The following LCN15 variants were observed in gnomAD, a reference collection of about 807,000 sequenced individuals.
The protein encoded by LCN15 is lipocalin 15, also known as lipocalin-15.
LCN15 carries 26 observed loss-of-function variants against 23.1 expected under a neutral mutation model. That is an observed-to-expected ratio of 1.13 (90% CI 0.82 to 1.56). The LOEUF (loss-of-function observed/expected upper bound fraction) is 1.56. LCN15 is among the 40% of genes most tolerant of loss of function. The pLI is 0.00. For missense variants in LCN15, 241 were observed against 239.5 expected (o/e 1.01, Z -0.04); for synonymous variants, 107 against 98.3 (o/e 1.09, Z -0.52).
At chr9:136,760,836 G>A (rs1211421156) in intron 6 of LCN15, among the ~76,000 whole-genome samples, 3 of 152,184 alleles carry the variant, frequency 2.0e-5, no homozygotes, top group African/African-American at 2.4e-5. Context: ...GGATTGAATC[G>A]TGTCCCCAAA....
chr9:136,760,572 C>T (rs992943346), intron 6 of LCN15, among the ~76,000 whole-genome samples: 1 of 152,232 alleles, frequency 6.6e-6, no homozygotes, highest in African/African-American at 2.4e-5. Flanking sequence ...AGACACGTGA[C>T]GTGTGGCTGT....
At chr9:136,760,187 G>A (rs1847300093) in intron 6 of LCN15, among the ~76,000 whole-genome samples, 1 of 152,238 alleles carries the variant, frequency 6.6e-6, no homozygotes, top group South Asian at 2.1e-4. Flanking sequence ...CCCAGGCGGG[G>A]CACTCTACCC....
At chr9:136,762,639 C>T (rs1847332551) in intron 4 of LCN15, among the ~76,000 whole-genome samples, 1 of 152,154 alleles carries the variant, frequency 6.6e-6, no homozygotes, top group African/African-American at 2.4e-5. Flanking sequence ...CGGTGGCTCA[C>T]GCCTGGAATC....
rs1847311763 is a variant in LCN15 at position 136,761,066 on chromosome 9, T to C, written c.*32+721A>G. Among the ~76,000 whole-genome samples the C allele has an allele frequency of 6.6e-6, 1 of 152,008 alleles. No individual in the cohort carries two copies. Among genetic ancestry groups the C allele is most frequent in the Non-Finnish European group, 1.5e-5 (1 of 67,992 alleles). ...CACAGATGCACAGAAGGAAGGTGGC[T>C]GTGGGAGGACGGAGGCGGAGACAGG... On this transcript the variant is annotated intron_variant, in intron 6 of 6. Coordinates refer to ENST00000316144, the MANE Select transcript of LCN15 (RefSeq NM_203347.2). The surrounding 1 kb of genome is among the most constrained non-coding windows in gnomAD (Gnocchi z 4.2).
rs1292486311 is a variant in LCN15, at chr9:136,761,921, C to A, written c.521-68G>T. 3.2e-6 allele frequency: 4 copies of A among 1,250,652 alleles called. No homozygotes were observed. Among genetic ancestry groups the A allele is most frequent in the Non-Finnish European group, 4.1e-6 (4 of 967,886 alleles). 77.5% of individuals were successfully genotyped at this position (1,250,652 alleles called of 1,614,324 possible). Reference sequence around the variant, plus strand: ...CGCCCTCGCTTCCCGCAGCCCCCAACCCCTGGGTGCCAAGGGCCACTGGAC... The same window carrying A: ...CGCCCTCGCTTCCCGCAGCCCCCAAACCCTGGGTGCCAAGGGCCACTGGAC... On this transcript the variant is annotated intron_variant, in intron 5 of 6. Transcript: ENST00000316144. The surrounding 1 kb of genome is among the most constrained non-coding windows in gnomAD (Gnocchi z 4.2).
chr9:136,763,075 C>T (rs1238417649), intron 4 of LCN15, among the ~76,000 whole-genome samples: 1 of 151,664 alleles, frequency 6.6e-6, no homozygotes, highest in East Asian at 1.9e-4. Flanking sequence ...ATCCAAAGCA[C>T]GGCGGGCCCA....
Position 136,761,545 on chromosome 9 carries a change from G to A in LCN15, c.*32+242C>T, listed in dbSNP as rs1367355381. Among the ~76,000 whole-genome samples the A allele has an allele frequency of 6.6e-6, 1 of 152,242 alleles. No individual in the cohort carries two copies. The highest frequency in any genetic ancestry group is 1.5e-5 in the Non-Finnish European group (1 of 68,042). ...CAAAGTGCTGGGATGATAGGCATGA[G>A]CCACTGCACCCGGCCAAACTTCTGC... On this transcript the variant is annotated intron_variant, in intron 6 of 6. Coordinates refer to ENST00000316144, the MANE Select transcript of LCN15 (RefSeq NM_203347.2). This position sits in a 1 kb window ranked among gnomAD's most constrained non-coding sequence, Gnocchi z 4.2.
chr9:136,763,975 G>T lies in LCN15; in HGVS notation c.131C>A (p.Ser44Tyr). The change falls in exon 2 of 7, where the codon TCT becomes TAT. Residue 44 changes from serine (S) to tyrosine (Y), a missense_variant. By Grantham distance (144) the Ser-to-Tyr change is moderately radical. Coordinates refer to ENST00000316144, the MANE Select transcript of LCN15 (RefSeq NM_203347.2). ...CTTGCCCAGGAAGACCCTGCAGTCA[G>T]ATGCCATGGAGACCACGTACCAGAG... ...SGLWYVVSMA[S>Y]DCRVFLGKKD... 1 of 1,613,398 alleles carries T rather than the reference G, an allele frequency of 6.2e-7. No individual in the cohort carries two copies. Among genetic ancestry groups the T allele is most frequent in the Non-Finnish European group, 8.5e-7 (1 of 1,179,978 alleles).
At chr9:136,760,338 G>A (rs1588312490) in intron 6 of LCN15, among the ~76,000 whole-genome samples, 1 of 152,288 alleles carries the variant, frequency 6.6e-6, no homozygotes, top group Middle Eastern at 3.4e-3. Flanking sequence ...GTGCAGACTT[G>A]TGCAAAGCTG....
In LCN15 at chr9:136,763,790, G is replaced by A. The variant is rs775670495; in HGVS notation, c.237-7C>T. ...CTGGTTACAGCCGTCCGCCCTGGGG[G>A]TGCACAGCCGGCTCACTCATGGCAC... On this transcript the variant is annotated splice_region_variant and splice_polypyrimidine_tract_variant and intron_variant, in intron 2 of 6. Transcript: ENST00000316144. The A allele has an allele frequency of 6.2e-7, 1 of 1,613,426 alleles. No homozygotes were observed. The highest frequency in any genetic ancestry group is 1.1e-5 in the South Asian group (1 of 91,090).
In LCN15 at chr9:136,761,915, C is replaced by T. The variant is rs901958638; in HGVS notation, c.521-62G>A. The T allele has an allele frequency of 4.7e-6, 6 of 1,282,680 alleles. No individual in the cohort carries two copies. In the African/African-American group the frequency reaches 6.2e-5, roughly 13 times the overall value. 79.5% of individuals were successfully genotyped at this position (1,282,680 alleles called of 1,614,324 possible). A position where few individuals can be genotyped will look rare whatever the true frequency, so the allele number is the denominator to read the frequency against. ...CAGGACCGCCCTCGCTTCCCGCAGC[C>T]CCCAACCCCTGGGTGCCAAGGGCCA... On this transcript the variant is annotated intron_variant, in intron 5 of 6. Coordinates refer to ENST00000316144, the MANE Select transcript of LCN15 (RefSeq NM_203347.2). This position sits in a 1 kb window ranked among gnomAD's most constrained non-coding sequence, Gnocchi z 4.2.
At chr9:136,760,240 G>A (rs1465694207) in intron 6 of LCN15, among the ~76,000 whole-genome samples, 1 of 152,250 alleles carries the variant, frequency 6.6e-6, no homozygotes, top group Non-Finnish European at 1.5e-5. Flanking sequence ...GGGGCTACAT[G>A]TTCTGCCCAC....
At position 136,762,270 on chromosome 9, in the gene LCN15, A is replaced by C. The variant is rs759474790; in HGVS notation, c.438T>G (p.Ser146Arg). ...CCTGGAAGGACTTCAGAGCCTGGGG[A>C]CTCACATCCTGGGTCCGGCCTGGGC... is the stretch of plus-strand genomic sequence containing the variant. ...VQLYSRTQDVSPQALKSFQDF... is the reference protein window; with the variant it reads ...VQLYSRTQDVRPQALKSFQDF... Residue 146 changes from serine to arginine, a missense_variant, in exon 5 of 7, where the codon AGT becomes AGG. Coordinates refer to ENST00000316144, the MANE Select transcript of LCN15 (RefSeq NM_203347.2). The C allele has an allele frequency of 2.5e-6, 4 of 1,592,284 alleles. No individual in the cohort carries two copies. Among genetic ancestry groups the C allele is most frequent in the Admixed American group, 1.7e-5 (1 of 58,302 alleles).
chr9:136,762,616 G>A (rs1011783976), intron 4 of LCN15, among the ~76,000 whole-genome samples: 1 of 152,128 alleles, frequency 6.6e-6, no homozygotes, highest in African/African-American at 2.4e-5. Flanking sequence ...AAGAACCTGA[G>A]CCCCAGCCGG....
rs1024571652 is a variant in LCN15, at chr9:136,762,395, C to A, written c.419-106G>T. 4.2e-6 allele frequency: 3 copies of A among 720,642 alleles called. No homozygotes were observed. In the Admixed American group the frequency reaches 7.9e-5, roughly 19 times the overall value. The allele number at this position is 720,642 out of a possible 1,614,324, so 44.6% of individuals were successfully genotyped here. A position where few individuals can be genotyped will look rare whatever the true frequency, so the allele number is the denominator to read the frequency against. ...TGAGGGCTGACAGCAAGGCCGCCAC[C>A]CTGGGTTGGGCAGGTTGTGCGCGGC... On this transcript the variant is annotated intron_variant, in intron 4 of 6. Coordinates refer to ENST00000316144, the MANE Select transcript of LCN15 (RefSeq NM_203347.2).
chr9:136,764,461 G>A lies in LCN15; in HGVS notation c.28C>T (p.Leu10=). 6.2e-7 allele frequency: 1 copy of A among 1,613,186 alleles called. No homozygotes were observed. Among genetic ancestry groups the A allele is most frequent in the Non-Finnish European group, 8.5e-7 (1 of 1,179,792 alleles). MMSFLLGAI[L]TLLWAPTAQA... is the part of the protein sequence containing the mutation. ...GCCGTGGGCGCCCAGAGCAGGGTCA[G>A]GATTGCGCCGAGCAGGAATGACATC... Residue 10 remains leucine, a synonymous_variant, in exon 1 of 7, where the codon CTG becomes TTG. Transcript: ENST00000316144.
chr9:136,761,348 C>T lies in LCN15; in HGVS notation c.*32+439G>A, dbSNP rs1411512736. 1.3e-5 allele frequency among the ~76,000 whole-genome samples: 2 copies of T among 152,210 alleles called. No individual in the cohort carries two copies. Among genetic ancestry groups the T allele is most frequent in the Admixed American group, 6.5e-5 (1 of 15,284 alleles). On this transcript the variant is annotated intron_variant, in intron 6 of 6. Coordinates refer to ENST00000316144, the MANE Select transcript of LCN15 (RefSeq NM_203347.2). This position sits in a 1 kb window ranked among gnomAD's most constrained non-coding sequence, Gnocchi z 4.2. ...CAATCTCGGCTCACCGCAACCTCCG[C>T]CTCCTGGGTTCAGGCGATTCTCCTG...
In LCN15 at chr9:136,763,608, T is replaced by C. The variant is rs1847346978; in HGVS notation, c.307+105A>G. On this transcript the variant is annotated intron_variant, in intron 3 of 6. Coordinates refer to ENST00000316144, the MANE Select transcript of LCN15 (RefSeq NM_203347.2). ...GGGGCGGGGAGGGCGGGCAGGGGGC[T>C]GGAGACTGGGATGGACAGCTTGGGC... is the stretch of plus-strand genomic sequence containing the variant. 7.3e-6 allele frequency: 10 copies of C among 1,372,242 alleles called. 1 individual carries two copies. The highest frequency in any genetic ancestry group is 1.0e-5 in the Non-Finnish European group (10 of 992,244). The allele number at this position is 1,372,242 out of a possible 1,614,324, so 85.0% of individuals were successfully genotyped here.
chr9:136,762,095 C>G, intron 5 of LCN15, 93 bp downstream of exon 5: 1 of 879,556 alleles, frequency 1.1e-6, no homozygotes, highest in East Asian at 2.8e-5. Flanking sequence ...GCTGCCCGCA[C>G]ACTGCCTGTG....
Sources: gnomAD v4.1 joint callset for allele counts (sites outside exome capture counted in the v4.1 genomes callset) on GRCh38, gnomAD v4.1.1 for gene constraint, Gnocchi (gnomAD v3.1) non-coding constraint, MANE v1.5 for transcripts, NCBI Gene and HGNC (gene_info 2026-07-23, HGNC 2026-07-21) for gene names.